Variants in KIF19 observed in about 807,000 individuals in gnomAD.
KIF19 encodes the protein kinesin-like protein KIF19.
A neutral mutation model predicts 106.6 loss-of-function variants in KIF19; 98 were observed. That is an observed-to-expected ratio of 0.92 (90% CI 0.78 to 1.09). The LOEUF is 1.09. Among genes scored for constraint, KIF19 ranks in the 50% least tolerant of loss-of-function variants. The pLI, the probability that KIF19 is intolerant of heterozygous loss-of-function variation, is 0.00. For missense variants in KIF19, 1,373 were observed against 1,414.3 expected, an observed-to-expected ratio of 0.97 and a Z score of 0.47; for synonymous variants, 516 against 584.2, an observed-to-expected ratio of 0.88 and a Z score of 1.68.
intron 2 of KIF19, 133 bp from the exon 3 acceptor site, chr17:74,341,743 G>C: frequency 1.5e-6 from 1 of 680,484 alleles, no homozygotes; most frequent in South Asian, 1.7e-5. Flanking sequence ...ACGAGGGCTA[G>C]ATTCAGAGCC....
At chr17:74,332,590 C>A (rs2054125024) in intron 2 of KIF19, among the ~76,000 whole-genome samples, 1 of 152,214 alleles carries the variant, frequency 6.6e-6, no homozygotes, top group African/African-American at 2.4e-5. Context: ...TGCCACCCCC[C>A]TCTGCTCCCG....
Position 74,350,591 on chromosome 17 carries a change from A to G in KIF19, c.1388+16A>G, listed in dbSNP as rs1311445095. ...CCATCGCCGGGTAAGCCCCCCTCCC[A>G]GGACCCTCCAGGCCCCACCCCTGTG... On this transcript the variant is annotated intron_variant, in intron 11 of 19. Coordinates refer to ENST00000389916, the MANE Select transcript of KIF19 (RefSeq NM_153209.4). 3 of 1,611,738 alleles carry G rather than the reference A, an allele frequency of 1.9e-6. No individual in the cohort carries two copies. Among genetic ancestry groups the G allele is most frequent in the Non-Finnish European group, 1.7e-6 (2 of 1,179,194 alleles).
chr17:74,355,090 G>A (rs1251678216), intron 19 of KIF19, 92 bp from the exon 20 acceptor site: 17 of 1,542,688 alleles, frequency 1.1e-5, no homozygotes, highest in African/African-American at 2.7e-5. Context: ...TCCTGGGGTG[G>A]TGCCCCTAGA....
rs958182319 is a variant in KIF19, at chr17:74,331,284, C to T, written c.120+2779C>T. ...GCCCGTCAAAGCTCTGTCCTTCCTC[C>T]TAAGGCCTGGAGGCACCATGGACAG... On this transcript the variant is annotated intron_variant, in intron 2 of 19. Transcript: ENST00000389916. The surrounding 1 kb of genome is among the most constrained non-coding windows in gnomAD (Gnocchi z 4.1). Among the ~76,000 whole-genome samples, 13 of 152,148 alleles carry T rather than the reference C, an allele frequency of 8.5e-5. No homozygotes were observed. Among genetic ancestry groups the T allele is most frequent in the Admixed American group, 1.3e-4 (2 of 15,262 alleles).
At chr17:74,345,101 A>C in intron 7 of KIF19, 146 bp downstream of exon 7, 30 of 779,516 alleles carry the variant, frequency 3.8e-5, no homozygotes, top group Non-Finnish European at 5.0e-5. Context: ...CTGGCATCTC[A>C]GCTTCGTAGG....
intron 2 of KIF19, among the ~76,000 whole-genome samples, chr17:74,335,778 T>A (rs1598374886): frequency 6.6e-6 from 1 of 152,312 alleles, no homozygotes; most frequent in East Asian, 1.9e-4. Context: ...AGTATGAGCA[T>A]GAGAATGCAT....
At chr17:74,341,735 G>A (rs955924482) in intron 2 of KIF19, 141 bp from the exon 3 acceptor site, 13 of 648,722 alleles carry the variant, frequency 2.0e-5, no homozygotes, top group East Asian at 1.1e-4. Flanking sequence ...CTGAGGCGAC[G>A]AGGGCTAGAT....
chr17:74,354,166 G>A lies in KIF19; in HGVS notation c.2313G>A (p.Arg771=), dbSNP rs777859838. ...LSEIPLSHKE[R]KEILTGTKCI... Reference sequence around the variant, plus strand: ...GTTCCCCGTGTCCCGCTGCAGAGAGGAAGGAGATCCTGACTGGCACCAAGT... The same window carrying A: ...GTTCCCCGTGTCCCGCTGCAGAGAGAAAGGAGATCCTGACTGGCACCAAGT... Residue 771 remains arginine (R), a synonymous_variant, in exon 18 of 20, where the codon AGG becomes AGA. Coordinates refer to ENST00000389916, the MANE Select transcript of KIF19 (RefSeq NM_153209.4). 3.1e-6 allele frequency: 5 copies of A among 1,605,816 alleles called. No individual in the cohort carries two copies. Among genetic ancestry groups the A allele is most frequent in the East Asian group, 2.2e-5 (1 of 44,848 alleles).
rs2054111687 is a variant in KIF19, at chr17:74,332,216, G to GTGTGTGTGTT, written c.120+3720_120+3721insTTGTGTGTGT. 2.0e-4 allele frequency among the ~76,000 whole-genome samples: 11 copies of GTGTGTGTGTT among 54,454 alleles called. No individual in the cohort carries two copies. The East Asian group carries it at 2.2e-3, about 11-fold the overall frequency. 35.7% of individuals were successfully genotyped at this position (54,454 alleles called of 152,430 possible). ...TGTGTGTGTGTGTGTGTGTTTGTGT[G>GTGTGTGTGTT]TGTGTGTGTGTGTGTGTGTGTGTGT... is the stretch of plus-strand genomic sequence containing the variant. On this transcript the variant is annotated intron_variant, in intron 2 of 19. Coordinates refer to ENST00000389916, the MANE Select transcript of KIF19 (RefSeq NM_153209.4).
At chr17:74,339,343 C>T (rs558249560) in intron 2 of KIF19, among the ~76,000 whole-genome samples, 127 of 151,986 alleles carry the variant, frequency 8.4e-4, no homozygotes, top group African/African-American at 3.0e-3. Flanking sequence ...TCAACTTCCC[C>T]ATCTGAGAAG....
rs2054535282 is a variant in KIF19 at position 74,346,506 on chromosome 17, G to A, written c.906G>A (p.Lys302=). 3 of 1,551,044 alleles carry A rather than the reference G, an allele frequency of 1.9e-6. No individual in the cohort carries two copies. Among genetic ancestry groups the A allele is most frequent in the East Asian group, 2.4e-5 (1 of 40,920 alleles). ...SNKYINYRDS[K]LTRLLKDSLG... ...AGTACATCAACTATCGCGACAGCAAGCTCACCCGGCTCCTGAAGGTACCAG... is the reference window on the plus strand; with the variant it reads ...AGTACATCAACTATCGCGACAGCAAACTCACCCGGCTCCTGAAGGTACCAG... Residue 302 remains lysine (K), a synonymous_variant, in exon 8 of 20, where the codon AAG becomes AAA. Coordinates refer to ENST00000389916, the MANE Select transcript of KIF19 (RefSeq NM_153209.4). This position sits in a 1 kb window ranked among gnomAD's most constrained non-coding sequence, Gnocchi z 4.6.
At chr17:74,342,921 A>C in intron 4 of KIF19, 103 bp from the exon 5 acceptor site, 1 of 1,384,404 alleles carries the variant, frequency 7.2e-7, no homozygotes, top group Admixed American at 2.2e-5. Context: ...GCCCTCTGAG[A>C]GGGCCCAGCC....
At chr17:74,350,078 T>C (rs1045847817) in intron 10 of KIF19, among the ~76,000 whole-genome samples, 19 of 152,192 alleles carry the variant, frequency 1.2e-4, no homozygotes, top group Admixed American at 1.2e-3. Context: ...GGATTACAGG[T>C]GTAAGCTACT....
chr17:74,332,182 GT>G (rs2054102757), intron 2 of KIF19, among the ~76,000 whole-genome samples: 1 of 40,320 alleles, frequency 2.5e-5, no homozygotes. Context: ...ACACCTCAGT[GT>G]GTGTGTGTGT....
Position 74,346,947 on chromosome 17 carries a change from G to A in KIF19, c.924+423G>A, listed in dbSNP as rs554834437. On this transcript the variant is annotated intron_variant, in intron 8 of 19. Transcript: ENST00000389916. This position sits in a 1 kb window ranked among gnomAD's most constrained non-coding sequence, Gnocchi z 4.6. ...TTAAATTATAGCAGCATCACTGAGC[G>A]CCCACTCCTGGCTGGTCTCTTGAAT... Among the ~76,000 whole-genome samples, 12 of 152,242 alleles carry A rather than the reference G, an allele frequency of 7.9e-5. No homozygotes were observed. The South Asian group carries it at 2.3e-3, about 29-fold the overall frequency.
chr17:74,329,070 G>C (rs1198340174), intron 2 of KIF19: 1 of 152,332 alleles, frequency 6.6e-6, no homozygotes, highest in Non-Finnish European at 1.5e-5. Context: ...TCAAAGAATT[G>C]CATCACAAAC....
At chr17:74,336,213 C>T (rs892871446) in intron 2 of KIF19, among the ~76,000 whole-genome samples, 11 of 152,080 alleles carry the variant, frequency 7.2e-5, no homozygotes, top group African/African-American at 2.4e-4. Context: ...GGACTACAGG[C>T]GTGTACCACC....
chr17:74,336,081 A>G (rs1230517970), intron 2 of KIF19, among the ~76,000 whole-genome samples: 1 of 152,100 alleles, frequency 6.6e-6, no homozygotes, highest in African/African-American at 2.4e-5. Context: ...TTATTTATTT[A>G]TTTATGAAAC....
chr17:74,353,344 C>T lies in KIF19; in HGVS notation c.2220+43C>T, dbSNP rs200228868. 2.0e-4 allele frequency: 309 copies of T among 1,508,368 alleles called. 1 individual carries two copies. The highest frequency in any genetic ancestry group is 3.7e-4 in the South Asian group (31 of 83,342). The allele number at this position is 1,508,368 out of a possible 1,614,324, so 93.4% of individuals were successfully genotyped here. ...GATGGCCCCACGAGCTCCACTGCAG[C>T]GGGTGCGGGACATGGGGGTGGACAG... On this transcript the variant is annotated intron_variant, in intron 16 of 19. Coordinates refer to ENST00000389916, the MANE Select transcript of KIF19 (RefSeq NM_153209.4).
Sources: gnomAD v4.1 joint callset for allele counts (sites outside exome capture counted in the v4.1 genomes callset) on GRCh38, gnomAD v4.1.1 for gene constraint, Gnocchi (gnomAD v3.1) non-coding constraint, MANE v1.5 for transcripts, NCBI Gene and HGNC (gene_info 2026-07-23, HGNC 2026-07-21) for gene names.